The following MAP3K15 variants were observed in gnomAD, a reference collection of about 807,000 sequenced individuals.
The protein encoded by MAP3K15 is MAPK/ERK kinase kinase 15.
Under a neutral mutation model 99.5 loss-of-function variants are expected in MAP3K15, and 124 were observed. The ratio of observed to expected loss-of-function variants is 1.25; its 90% CI spans 1.08 to 1.45. The LOEUF (loss-of-function observed/expected upper bound fraction) is 1.45, where lower values mean the gene tolerates loss of function less well. Among genes scored for constraint, MAP3K15 ranks in the 40% most tolerant of loss-of-function variants. The pLI is 0.00. For missense variants in MAP3K15, 1,242 were observed against 1,079.7 expected, an observed-to-expected ratio of 1.15 and a Z score of -2.11; for synonymous variants, 494 against 439.6, an observed-to-expected ratio of 1.12 and a Z score of -1.55.
intron 10 of MAP3K15, 100 bp downstream of exon 10, chrX:19,415,007 C>T (rs987617579): frequency 3.1e-5 from 23 of 730,993 alleles, no homozygotes; most frequent in Non-Finnish European, 3.6e-5. Context: ...TTTAAAATTA[C>T]TCTACAGTTT....
At chrX:19,431,942 T>C (rs1192296307) in intron 6 of MAP3K15, among the ~76,000 whole-genome samples, 2 of 77,728 alleles carry the variant, frequency 2.6e-5, no homozygotes, top group African/African-American at 2.1e-4. Context: ...AGACCCTGCT[T>C]TTTTTTTTTT....
At chrX:19,434,102 G>A (rs1333517496) in intron 6 of MAP3K15, among the ~76,000 whole-genome samples, 1 of 112,256 alleles carries the variant, frequency 8.9e-6, no homozygotes, top group Non-Finnish European at 1.9e-5. Context: ...AGTCTGTAAG[G>A]ATACATATTA....
In MAP3K15 at chrX:19,450,961, G is replaced by A. The variant is rs1215129378; in HGVS notation, c.995+5952C>T. ...GCAAGGATTTCATGGGTATGACATT[G>A]AAAGCACAGGCAACAAAGCAGGATT... On this transcript the variant is annotated intron_variant, in intron 6 of 28. Coordinates refer to ENST00000338883, the MANE Select transcript of MAP3K15 (RefSeq NM_001001671.4). Among the ~76,000 whole-genome samples, 5 of 109,278 alleles carry A rather than the reference G, an allele frequency of 4.6e-5. 1 individual carries two copies. Among genetic ancestry groups the A allele is most frequent in the Non-Finnish European group, 9.7e-5 (5 of 51,725 alleles). 94.9% of individuals were successfully genotyped at this position (109,278 alleles called of 115,157 possible).
chrX:19,398,085 A>T, intron 15 of MAP3K15, 141 bp downstream of exon 15: 2 of 565,747 alleles, frequency 3.5e-6, no homozygotes, highest in Non-Finnish European at 5.4e-6. Flanking sequence ...AAAAAAAAAG[A>T]TCACCCCTAT....
At chrX:19,445,765 A>C (rs1438992084) in intron 6 of MAP3K15, among the ~76,000 whole-genome samples, 1 of 108,047 alleles carries the variant, frequency 9.3e-6, no homozygotes, top group Non-Finnish European at 1.9e-5. Flanking sequence ...CGGCCAACAT[A>C]GCGAAAGCCA....
chrX:19,382,245 A>AC (rs1491189292), intron 18 of MAP3K15, among the ~76,000 whole-genome samples: 1 of 71,474 alleles, frequency 1.4e-5, no homozygotes, highest in Non-Finnish European at 2.3e-5. Flanking sequence ...CTCAGTCTCC[A>AC]AAAAAAAAAA....
At chrX:19,433,093 T>C (rs888033164) in intron 6 of MAP3K15, among the ~76,000 whole-genome samples, 1 of 111,556 alleles carries the variant, frequency 9.0e-6, no homozygotes, top group Admixed American at 9.6e-5. Context: ...AAATCCAGCA[T>C]TGGGGTATAA....
intron 3 of MAP3K15, among the ~76,000 whole-genome samples, chrX:19,467,249 C>G (rs929798940): frequency 9.0e-6 from 1 of 111,271 alleles, no homozygotes; most frequent in Non-Finnish European, 1.9e-5. Context: ...CCAGCCCAGA[C>G]TGACTGAAGT....
chrX:19,487,145 C>T (rs940182873), intron 2 of MAP3K15, among the ~76,000 whole-genome samples: 12 of 106,073 alleles, frequency 1.1e-4, no homozygotes, highest in African/African-American at 3.1e-4. Context: ...GGGGGAAGGG[C>T]GGAGAAAACA....
rs1569229772 is a variant in MAP3K15, at chrX:19,452,351, A to AAAAGAG, written c.995+4561_995+4562insCTCTTT. ...AAGAGAAGAGAAGAGAAGAGAAGAG[A>AAAAGAG]AAGAGAAGAGAAGAGAAGAGAAGAG... On this transcript the variant is annotated intron_variant, in intron 6 of 28. Transcript: ENST00000338883. Among the ~76,000 whole-genome samples the AAAAGAG allele has an allele frequency of 1.7e-3, 4 of 2,311 alleles. 2 individuals carry two copies. The African/African-American group carries it at 0.028, about 16-fold the overall frequency. The allele number at this position is 2,311 out of a possible 115,157, so 2.0% of individuals were successfully genotyped here.
Position 19,488,814 on chromosome X carries a change from T to C in MAP3K15, c.501+14A>G. ...CCAAAACAAAGTACTCAGGAGAAGGTGAATACACTGTACCTTCAAAGAGAG... is the reference window on the plus strand; with the variant it reads ...CCAAAACAAAGTACTCAGGAGAAGGCGAATACACTGTACCTTCAAAGAGAG... On this transcript the variant is annotated intron_variant, in intron 2 of 28. Transcript: ENST00000338883. The C allele has an allele frequency of 1.7e-6, 2 of 1,191,619 alleles. No homozygotes were observed. The highest frequency in any genetic ancestry group is 1.8e-5 in the South Asian group (1 of 55,800).
At chrX:19,463,617 T>G (rs775778072) in intron 4 of MAP3K15, among the ~76,000 whole-genome samples, 2 of 112,181 alleles carry the variant, frequency 1.8e-5, no homozygotes, top group East Asian at 5.6e-4. Flanking sequence ...AGCTGACTAT[T>G]TCAGTGCTAC....
intron 4 of MAP3K15, among the ~76,000 whole-genome samples, chrX:19,461,025 G>A (rs1434863272): frequency 2.4e-4 from 26 of 110,199 alleles, no homozygotes; most frequent in African/African-American, 6.9e-4. Context: ...TTTCGCCCAG[G>A]CTGGAGTGCA....
chrX:19,506,483 A>T (rs1326632664), intron 1 of MAP3K15, among the ~76,000 whole-genome samples: 1 of 112,089 alleles, frequency 8.9e-6, no homozygotes, highest in Non-Finnish European at 1.9e-5. Context: ...GCAAAACCAA[A>T]TAACGAATCT....
chrX:19,410,121 G>A (rs1569214247), intron 11 of MAP3K15, 148 bp from the exon 12 acceptor site: 2 of 408,411 alleles, frequency 4.9e-6, no homozygotes, highest in Non-Finnish European at 8.5e-6. Context: ...TGTATAACAT[G>A]GAACACCAGA....
At chrX:19,446,278 G>A (rs761334872) in intron 6 of MAP3K15, among the ~76,000 whole-genome samples, 19 of 112,202 alleles carry the variant, frequency 1.7e-4, no homozygotes, top group Non-Finnish European at 3.6e-4. Flanking sequence ...TCGCTGATAG[G>A]ATAAAGAATC....
chrX:19,511,151 C>A (rs1352539506), intron 1 of MAP3K15, among the ~76,000 whole-genome samples: 2 of 111,639 alleles, frequency 1.8e-5, no homozygotes, highest in East Asian at 2.8e-4. Flanking sequence ...CTTTCTTACA[C>A]CTTATACAAA....
intron 3 of MAP3K15, among the ~76,000 whole-genome samples, chrX:19,465,739 G>A (rs759504799): frequency 2.4e-4 from 27 of 110,515 alleles, no homozygotes; most frequent in Non-Finnish European, 4.0e-4. Flanking sequence ...GGGCAACAGA[G>A]CGAGACTACA....
chrX:19,514,854 T>C, intron 1 of MAP3K15, 47 bp downstream of exon 1: 4 of 756,655 alleles, frequency 5.3e-6, no homozygotes, highest in Non-Finnish European at 6.9e-6. Flanking sequence ...CTGGCTCGTG[T>C]GAGGGTAGGT....
Sources: gnomAD v4.1 joint callset for allele counts (sites outside exome capture counted in the v4.1 genomes callset) on GRCh38, gnomAD v4.1.1 for gene constraint, MANE v1.5 for transcripts, NCBI Gene and HGNC (gene_info 2026-07-23, HGNC 2026-07-21) for gene names.